UNC13B: variants seen among roughly 807,000 people sequenced by gnomAD.
UNC13B encodes the protein unc-13 homolog B, also known as protein unc-13 homolog B.
UNC13B carries 144 observed loss-of-function variants against 211.0 expected under a neutral mutation model. The ratio of observed to expected loss-of-function variants is 0.68; its 90% CI spans 0.60 to 0.78. The LOEUF is 0.78. Among genes scored for constraint, UNC13B ranks in the 30% least tolerant of loss-of-function variants. The pLI is 0.00. For missense variants in UNC13B, 1,777 were observed against 2,002.0 expected, an observed-to-expected ratio of 0.89 and a Z score of 2.14; for synonymous variants, 709 against 725.8, an observed-to-expected ratio of 0.98 and a Z score of 0.37.
At chr9:35,384,513 A>T (rs1835062099) in intron 22 of UNC13B, 199 bp downstream of exon 22, 1 of 985,304 alleles carries the variant, frequency 1.0e-6, no homozygotes, top group Non-Finnish European at 1.2e-6. Flanking sequence ...AGCAGCAGGT[A>T]TGGTTAGTTT....
chr9:35,380,616 A>G lies in UNC13B; in HGVS notation c.10352A>G (p.Glu3451Gly). 6.2e-7 allele frequency: 1 copy of G among 1,614,208 alleles called. No homozygotes were observed. Among genetic ancestry groups the G allele is most frequent in the South Asian group, 1.1e-5 (1 of 91,080 alleles). Residue 3451 changes from glutamate to glycine, a missense_variant, in exon 18 of 40, where the codon GAG becomes GGG. By Grantham distance (98) the Glu-to-Gly change is moderately conservative (BLOSUM62 -2). Coordinates refer to ENST00000635942, the MANE Select transcript of UNC13B (RefSeq NM_001371189.2). ...TIIEVRTLSG[E>G]MDVWYNLEKR... ...ATTGAGGTTCGGACCCTAAGTGGCGAGATGGACGTCTGGTACAACTTGGGT... is the reference window on the plus strand; with the variant it reads ...ATTGAGGTTCGGACCCTAAGTGGCGGGATGGACGTCTGGTACAACTTGGGT...
intron 7 of UNC13B, among the ~76,000 whole-genome samples, chr9:35,284,896 C>T (rs1828705156): frequency 6.6e-6 from 1 of 152,152 alleles, no homozygotes; most frequent in Non-Finnish European, 1.5e-5. Flanking sequence ...AAACATTAGC[C>T]AGTACTGGAC....
intron 11 of UNC13B, among the ~76,000 whole-genome samples, chr9:35,324,605 A>G (rs1482202817): frequency 1.3e-5 from 2 of 152,134 alleles, no homozygotes; most frequent in African/African-American, 4.8e-5. Context: ...GTTGCTTTTC[A>G]GTGTTTATCT....
At chr9:35,218,097 T>C (rs1824360148) in intron 1 of UNC13B, among the ~76,000 whole-genome samples, 1 of 151,992 alleles carries the variant, frequency 6.6e-6, no homozygotes, top group Non-Finnish European at 1.5e-5. Flanking sequence ...TACCTGGCAT[T>C]TTTACTTTCT....
chr9:35,384,137 C>A, intron 21 of UNC13B, 109 bp from the exon 22 acceptor site: 1 of 1,526,570 alleles, frequency 6.6e-7, no homozygotes, highest in Non-Finnish European at 8.9e-7. Flanking sequence ...CAACCCAATG[C>A]CTCCCGACTC....
rs556661919 is a variant in UNC13B at position 35,199,317 on chromosome 9, C to A, written c.23-28698C>A. Among the ~76,000 whole-genome samples, 7 of 152,266 alleles carry A rather than the reference C, an allele frequency of 4.6e-5. No homozygotes were observed. The East Asian group carries it at 1.4e-3, about 29-fold the overall frequency. The stretch of plus-strand genomic sequence containing the variant: ...GCAATAAACATACGTGTGCCTGTGT[C>A]TTTATAGCAGCATGATTTATAATCC... On this transcript the variant is annotated intron_variant, in intron 1 of 39. Transcript: ENST00000635942.
chr9:35,193,074 C>A (rs1449031775), intron 1 of UNC13B, among the ~76,000 whole-genome samples: 1 of 152,170 alleles, frequency 6.6e-6, no homozygotes, highest in South Asian at 2.1e-4. Context: ...TCATGCAACT[C>A]AAGTCCTCTG....
At chr9:35,372,289 A>G (rs918757779) in intron 13 of UNC13B, among the ~76,000 whole-genome samples, 2 of 152,198 alleles carry the variant, frequency 1.3e-5, no homozygotes, top group Non-Finnish European at 2.9e-5. Context: ...ACAAACAAAC[A>G]AACAAAATCC....
intron 11 of UNC13B, among the ~76,000 whole-genome samples, chr9:35,328,771 C>T (rs979652738): frequency 2.0e-5 from 3 of 148,674 alleles, no homozygotes; most frequent in African/African-American, 7.4e-5. Flanking sequence ...CCTTCCCTTT[C>T]CCTTTCCTTT....
In UNC13B at chr9:35,195,885, C is replaced by T. The variant is rs375507634; in HGVS notation, c.23-32130C>T. Among the ~76,000 whole-genome samples, 116 of 152,262 alleles carry T rather than the reference C, an allele frequency of 7.6e-4. 2 individuals carry two copies. The South Asian group carries it at 0.019, about 25-fold the overall frequency. ...CTGTGGTCAGTTGGCTGAGAGATGTCACGGTCCATCTTTATGTCCAAATAT... is the reference window on the plus strand; with the variant it reads ...CTGTGGTCAGTTGGCTGAGAGATGTTACGGTCCATCTTTATGTCCAAATAT... On this transcript the variant is annotated intron_variant, in intron 1 of 39. Coordinates refer to ENST00000635942, the MANE Select transcript of UNC13B (RefSeq NM_001371189.2).
At chr9:35,364,975 C>T (rs970772980) in intron 11 of UNC13B, among the ~76,000 whole-genome samples, 1 of 152,220 alleles carries the variant, frequency 6.6e-6, no homozygotes, top group Non-Finnish European at 1.5e-5. Flanking sequence ...GAGCCCAGCA[C>T]GCATGTGTAC....
chr9:35,211,284 G>A (rs1375056910), intron 1 of UNC13B, among the ~76,000 whole-genome samples: 2 of 152,120 alleles, frequency 1.3e-5, no homozygotes, highest in Admixed American at 6.5e-5. Flanking sequence ...TATCTTATAA[G>A]CATATGTGTG....
chr9:35,273,471 T>C (rs1828005860), intron 7 of UNC13B, among the ~76,000 whole-genome samples: 1 of 152,206 alleles, frequency 6.6e-6, no homozygotes, highest in African/African-American at 2.4e-5. Flanking sequence ...GACCTGATAT[T>C]CATATTCCTA....
At chr9:35,180,457 C>T (rs972407486) in intron 1 of UNC13B, among the ~76,000 whole-genome samples, 2 of 152,014 alleles carry the variant, frequency 1.3e-5, no homozygotes, top group South Asian at 2.1e-4. Flanking sequence ...TCTATCCATA[C>T]CATCAGATTT....
chr9:35,371,933 G>A (rs1834153460), intron 13 of UNC13B: 1 of 152,622 alleles, frequency 6.6e-6, no homozygotes, highest in South Asian at 2.1e-4. Flanking sequence ...CCTCTACGCA[G>A]GCTATGGTGA....
Position 35,296,011 on chromosome 9 carries a change from T to A in UNC13B, c.761+81T>A. 6.8e-6 allele frequency: 9 copies of A among 1,326,070 alleles called. No individual in the cohort carries two copies. In the South Asian group the frequency reaches 1.1e-4, roughly 16 times the overall value. 82.1% of individuals were successfully genotyped at this position (1,326,070 alleles called of 1,614,324 possible). ...ATTGGCAAGAAGAATTTGGATGCTT[T>A]AACCTGAAGAGGTAGCGTAAGTGTA... is the stretch of plus-strand genomic sequence containing the variant. On this transcript the variant is annotated intron_variant, in intron 8 of 39. Coordinates refer to ENST00000635942, the MANE Select transcript of UNC13B (RefSeq NM_001371189.2).
At chr9:35,275,993 C>G (rs770803194) in intron 7 of UNC13B, among the ~76,000 whole-genome samples, 1 of 152,086 alleles carries the variant, frequency 6.6e-6, no homozygotes. Flanking sequence ...GGTTCTCACT[C>G]TGTTCTAAGG....
chr9:35,305,340 C>A lies in UNC13B; in HGVS notation c.5936C>A (p.Ser1979Ter), dbSNP rs1174301548. The change falls in exon 9 of 40, where the codon TCA (serine) becomes TAA (stop). Residue 1979 changes from serine to a stop codon, truncating the protein, a stop_gained. Coordinates refer to ENST00000635942, the MANE Select transcript of UNC13B (RefSeq NM_001371189.2). LOFTEE classifies it high-confidence loss of function. ...GAAAAGAAAGAATCTTCTGGTGTTTCAAATTTTTGGGGTACCCTTGGGGAT... is the reference window on the plus strand; with the variant it reads ...GAAAAGAAAGAATCTTCTGGTGTTTAAAATTTTTGGGGTACCCTTGGGGAT... Reference protein sequence around the residue: ...PQEKKESSGVSNFWGTLGDFF... With the variant: ...PQEKKESSGV 2.5e-6 allele frequency: 1 copy of A among 398,748 alleles called. No individual in the cohort carries two copies. Among genetic ancestry groups the A allele is most frequent in the Non-Finnish European group, 4.4e-6 (1 of 225,982 alleles). 24.7% of individuals were successfully genotyped at this position (398,748 alleles called of 1,614,324 possible).
At chr9:35,280,851 T>G (rs183762328) in intron 7 of UNC13B, among the ~76,000 whole-genome samples, 4 of 152,332 alleles carry the variant, frequency 2.6e-5, no homozygotes, top group African/African-American at 9.6e-5. Flanking sequence ...TATACACAAT[T>G]AACCATGTTA....
Sources: gnomAD v4.1 joint callset for allele counts (sites outside exome capture counted in the v4.1 genomes callset) on GRCh38, gnomAD v4.1.1 for gene constraint, MANE v1.5 for transcripts, NCBI Gene and HGNC (gene_info 2026-07-23, HGNC 2026-07-21) for gene names.